LDB2: variants seen among roughly 807,000 people sequenced by gnomAD.
LDB2 encodes the protein LIM domain-binding protein 2.
In LDB2, 12 loss-of-function variants were observed where a neutral mutation model predicts 44.3. The ratio of observed to expected loss-of-function variants is 0.27; its 90% CI spans 0.17 to 0.44. The LOEUF is 0.44. Among genes scored for constraint, LDB2 ranks in the 20% least tolerant of loss-of-function variants. The probability of loss-of-function intolerance (pLI) is 1.00; values close to 1 mark genes in which losing one functional copy is unlikely to be tolerated. For missense variants in LDB2, 344 were observed against 473.5 expected, an observed-to-expected ratio of 0.73 and a Z score of 2.54; for synonymous variants, 164 against 174.8, an observed-to-expected ratio of 0.94 and a Z score of 0.49.
At chr4:16,702,670 T>C (rs1753714804) in intron 2 of LDB2, among the ~76,000 whole-genome samples, 1 of 152,202 alleles carries the variant, frequency 6.6e-6, no homozygotes, top group Non-Finnish European at 1.5e-5. Context: ...ACACAATGGC[T>C]GTCAAGGTCC....
intron 5 of LDB2, among the ~76,000 whole-genome samples, chr4:16,585,545 T>C (rs531885493): frequency 6.6e-6 from 1 of 152,306 alleles, no homozygotes; most frequent in South Asian, 2.1e-4. Flanking sequence ...ATATTGATTC[T>C]CCTAAGGGGT....
intron 2 of LDB2, among the ~76,000 whole-genome samples, chr4:16,658,937 G>T (rs1740692385): frequency 6.6e-6 from 1 of 152,136 alleles, no homozygotes; most frequent in Non-Finnish European, 1.5e-5. Context: ...ACTATATTGT[G>T]CTGTCTTTTA....
chr4:16,564,646 A>T (rs1373031749), intron 5 of LDB2, among the ~76,000 whole-genome samples: 2 of 152,184 alleles, frequency 1.3e-5, no homozygotes, highest in Non-Finnish European at 2.9e-5. Context: ...AACAGCTTCC[A>T]TTGCTTTGGA....
intron 2 of LDB2, among the ~76,000 whole-genome samples, chr4:16,608,884 G>A (rs1177315826): frequency 6.6e-6 from 1 of 152,150 alleles, no homozygotes; most frequent in Non-Finnish European, 1.5e-5. Context: ...TCACAGCTCA[G>A]GCTTCTCTCT....
At chr4:16,538,061 G>A (rs999931730) in intron 5 of LDB2, among the ~76,000 whole-genome samples, 6 of 152,318 alleles carry the variant, frequency 3.9e-5, no homozygotes, top group African/African-American at 1.4e-4. Flanking sequence ...TGCCTGAGGA[G>A]GCTGGCTTGT....
chr4:16,841,555 T>C (rs1785896487), intron 1 of LDB2, among the ~76,000 whole-genome samples: 2 of 152,224 alleles, frequency 1.3e-5, no homozygotes, highest in African/African-American at 2.4e-5. Flanking sequence ...AACATTACTT[T>C]TCATCTCGAA....
At chr4:16,627,561 T>C (rs962221834) in intron 2 of LDB2, among the ~76,000 whole-genome samples, 2 of 152,152 alleles carry the variant, frequency 1.3e-5, no homozygotes, top group African/African-American at 4.8e-5. Context: ...ATCTCCATTT[T>C]ATGGGTAGAA....
intron 5 of LDB2, among the ~76,000 whole-genome samples, chr4:16,520,355 C>T (rs1725589443): frequency 6.6e-6 from 1 of 150,386 alleles, no homozygotes; most frequent in Admixed American, 6.6e-5. Flanking sequence ...GAATGAATAA[C>T]AGGCATCCAC....
intron 1 of LDB2, among the ~76,000 whole-genome samples, chr4:16,855,138 C>T (rs773525685): frequency 8.5e-5 from 13 of 152,130 alleles, no homozygotes; most frequent in Non-Finnish European, 1.8e-4. Context: ...TCCAGGGATA[C>T]GCATGATTAA....
At chr4:16,594,751 G>T (rs1164460435) in intron 3 of LDB2, among the ~76,000 whole-genome samples, 4 of 152,196 alleles carry the variant, frequency 2.6e-5, no homozygotes, top group African/African-American at 9.7e-5. Flanking sequence ...TAACCCTGAT[G>T]ATTCAACCTC....
At chr4:16,787,824 G>A (rs577187382) in intron 1 of LDB2, among the ~76,000 whole-genome samples, 3 of 152,286 alleles carry the variant, frequency 2.0e-5, no homozygotes, top group African/African-American at 4.8e-5. Flanking sequence ...GGATTTCATA[G>A]CTAGTGAGTT....
chr4:16,580,640 T>C (rs930741622), intron 5 of LDB2, among the ~76,000 whole-genome samples: 9 of 152,236 alleles, frequency 5.9e-5, no homozygotes, highest in Admixed American at 1.3e-4. Context: ...GAAAGCAGAC[T>C]ACCCCAAATC....
chr4:16,865,498 G>T (rs1214670274), intron 1 of LDB2, among the ~76,000 whole-genome samples: 3 of 152,104 alleles, frequency 2.0e-5, no homozygotes, highest in Non-Finnish European at 4.4e-5. Context: ...GGCACTAAGG[G>T]CACCTCCTCA....
intron 5 of LDB2, among the ~76,000 whole-genome samples, chr4:16,532,970 A>G (rs1730651828): frequency 6.6e-6 from 1 of 152,240 alleles, no homozygotes; most frequent in African/African-American, 2.4e-5. Context: ...TATCCTGTCT[A>G]TAATAAACTC....
At chr4:16,663,022 T>C (rs1742044687) in intron 2 of LDB2, among the ~76,000 whole-genome samples, 2 of 152,102 alleles carry the variant, frequency 1.3e-5, no homozygotes. Flanking sequence ...GAAAGAATCA[T>C]AGAACCACTC....
chr4:16,829,615 C>T (rs1235386227), intron 1 of LDB2, among the ~76,000 whole-genome samples: 1 of 152,130 alleles, frequency 6.6e-6, no homozygotes, highest in Non-Finnish European at 1.5e-5. Flanking sequence ...TCAGATTTCA[C>T]ATCTATGAAA....
intron 1 of LDB2, among the ~76,000 whole-genome samples, chr4:16,779,064 T>G (rs1010904685): frequency 6.6e-6 from 1 of 152,172 alleles, no homozygotes; most frequent in Non-Finnish European, 1.5e-5. Context: ...CTCTCTTGTG[T>G]TCTTTTGTTC....
chr4:16,521,243 C>G lies in LDB2; in HGVS notation c.616-9139G>C, dbSNP rs186589514. Among the ~76,000 whole-genome samples the G allele has an allele frequency of 1.3e-4, 20 of 152,232 alleles. No homozygotes were observed. In the South Asian group the frequency reaches 1.9e-3, roughly 14 times the overall value. On this transcript the variant is annotated intron_variant, in intron 5 of 7. Coordinates refer to ENST00000304523, the MANE Select transcript of LDB2 (RefSeq NM_001290.5). The stretch of plus-strand genomic sequence containing the variant: ...TCTGAAATCAAGGAGTAGGCAGGGC[C>G]GAGCTCCCTCTGAAGGCTCCCATGA...
At chr4:16,892,020 T>C (rs1723558547) in intron 1 of LDB2, among the ~76,000 whole-genome samples, 1 of 152,158 alleles carries the variant, frequency 6.6e-6, no homozygotes. Flanking sequence ...GATATTAGTA[T>C]CATACGATGT....
Sources: gnomAD v4.1 joint callset for allele counts (sites outside exome capture counted in the v4.1 genomes callset) on GRCh38, gnomAD v4.1.1 for gene constraint, MANE v1.5 for transcripts, NCBI Gene and HGNC (gene_info 2026-07-23, HGNC 2026-07-21) for gene names.